Variants in CDHR3 observed in about 807,000 individuals in gnomAD.
CDHR3 encodes cadherin-related family member 3.
In CDHR3, 79 loss-of-function variants were observed where a neutral mutation model predicts 86.6. The ratio of observed to expected loss-of-function variants is 0.91; its 90% CI spans 0.76 to 1.10. CDHR3 has a LOEUF of 1.10. Among genes scored for constraint, CDHR3 ranks in the 50% least tolerant of loss-of-function variants. The pLI is 0.00. For missense variants in CDHR3, 1,081 were observed against 1,077.6 expected (o/e 1.00, Z -0.04); for synonymous variants, 421 against 402.4 (o/e 1.05, Z -0.55).
At chr7:105,996,732 G>A (rs1033383057) in intron 6 of CDHR3, among the ~76,000 whole-genome samples, 2 of 152,072 alleles carry the variant, frequency 1.3e-5, no homozygotes, top group Non-Finnish European at 2.9e-5. Flanking sequence ...ACTCCCTAAC[G>A]CCCGCTCCTA....
chr7:106,028,423 C>T (rs181980993), intron 16 of CDHR3, 128 bp from the exon 17 acceptor site: 15 of 1,023,124 alleles, frequency 1.5e-5, no homozygotes, highest in Middle Eastern at 2.0e-4. Context: ...ATAGACAGAA[C>T]AATTCTTTGC....
chr7:106,024,688 A>G lies in CDHR3; in HGVS notation c.2258+126A>G, dbSNP rs1442538161. On this transcript the variant is annotated intron_variant, in intron 15 of 18. Transcript: ENST00000317716. Reference sequence around the variant, plus strand: ...AAGGCAGGTTGCCTGGAGTGAAGGCAGGAAAAGGAGATACGGGGGAAGGAA... The same window carrying G: ...AAGGCAGGTTGCCTGGAGTGAAGGCGGGAAAAGGAGATACGGGGGAAGGAA... The G allele has an allele frequency of 5.3e-6, 5 of 946,730 alleles. No homozygotes were observed. In the African/African-American group the frequency reaches 8.3e-5, roughly 16 times the overall value. 58.6% of individuals were successfully genotyped at this position (946,730 alleles called of 1,614,324 possible).
intron 1 of CDHR3, among the ~76,000 whole-genome samples, chr7:105,971,965 C>G (rs1274565294): frequency 1.3e-5 from 2 of 152,212 alleles, no homozygotes; most frequent in Admixed American, 6.5e-5. Context: ...GACTGAATAA[C>G]TATGATGCAT....
chr7:106,009,089 A>G (rs982850025), intron 8 of CDHR3, among the ~76,000 whole-genome samples: 7 of 152,202 alleles, frequency 4.6e-5, no homozygotes, highest in Admixed American at 1.3e-4. Context: ...AGAGTCCTGC[A>G]CTTGATAATC....
intron 15 of CDHR3, 54 bp downstream of exon 15, chr7:106,024,616 C>T (rs1453031953): frequency 6.4e-7 from 1 of 1,550,984 alleles, no homozygotes; most frequent in Admixed American, 1.8e-5. Flanking sequence ...GACACTGTTT[C>T]TGGTGACATC....
intron 10 of CDHR3, among the ~76,000 whole-genome samples, chr7:106,015,675 A>G (rs1445567478): frequency 6.6e-6 from 1 of 152,054 alleles, no homozygotes; most frequent in African/African-American, 2.4e-5. Context: ...GTCTAATTCT[A>G]TCCTTATAAG....
intron 13 of CDHR3, among the ~76,000 whole-genome samples, chr7:106,020,777 T>G (rs989386350): frequency 6.6e-6 from 1 of 152,138 alleles, no homozygotes; most frequent in South Asian, 2.1e-4. Flanking sequence ...CATGCCTCAT[T>G]GCACCCAGCT....
chr7:105,997,921 T>G (rs1409290306), intron 6 of CDHR3, among the ~76,000 whole-genome samples: 1 of 151,806 alleles, frequency 6.6e-6, no homozygotes, highest in Non-Finnish European at 1.5e-5. Context: ...CCCAAGCAGA[T>G]AGCATGATCT....
At chr7:105,975,351 C>A (rs541281688) in intron 2 of CDHR3, among the ~76,000 whole-genome samples, 1 of 152,296 alleles carries the variant, frequency 6.6e-6, no homozygotes, top group Admixed American at 6.5e-5. Flanking sequence ...CCTACAGTAT[C>A]TAAATTCTTT....
At chr7:105,975,225 C>T (rs1828622521) in intron 2 of CDHR3, among the ~76,000 whole-genome samples, 179 bp downstream of exon 2, 1 of 152,162 alleles carries the variant, frequency 6.6e-6, no homozygotes. Context: ...GCTCGTGTAG[C>T]CTTTGGACCT....
chr7:105,964,590 AGG>A, intron 1 of CDHR3, among the ~76,000 whole-genome samples: 1 of 151,992 alleles, frequency 6.6e-6, no homozygotes, highest in Admixed American at 6.5e-5. Context: ...TATGTTAAGG[AGG>A]TGGCTTTTAT....
At chr7:105,987,143 G>T (rs1830640514) in intron 4 of CDHR3, among the ~76,000 whole-genome samples, 1 of 152,128 alleles carries the variant, frequency 6.6e-6, no homozygotes, top group Non-Finnish European at 1.5e-5. Context: ...CCCTTTCAGA[G>T]GAAGGAAAGC....
Position 106,028,654 on chromosome 7 carries a change from G to A in CDHR3, c.2304+72G>A, listed in dbSNP as rs968135757. Reference sequence around the variant, plus strand: ...GGGGCTCCCGTCTCCCCCGAAGGCAGGCCTGCCACAGCCTTGTGGGCATGT... The same window carrying A: ...GGGGCTCCCGTCTCCCCCGAAGGCAAGCCTGCCACAGCCTTGTGGGCATGT... On this transcript the variant is annotated intron_variant, in intron 17 of 18. Transcript: ENST00000317716. 6.5e-6 allele frequency: 10 copies of A among 1,543,244 alleles called. No individual in the cohort carries two copies. The African/African-American group carries it at 9.5e-5, about 15-fold the overall frequency.
intron 12 of CDHR3, among the ~76,000 whole-genome samples, chr7:106,019,685 A>C (rs1157725801): frequency 6.6e-6 from 1 of 152,202 alleles, no homozygotes; most frequent in Non-Finnish European, 1.5e-5. Context: ...TGCTTATGGC[A>C]GGTTAGCTCT....
intron 1 of CDHR3, among the ~76,000 whole-genome samples, chr7:105,965,921 A>G (rs1423986886): frequency 6.6e-6 from 1 of 152,072 alleles, no homozygotes; most frequent in Admixed American, 6.5e-5. Context: ...ACATTTACTG[A>G]TACACCCCAA....
intron 4 of CDHR3, 99 bp downstream of exon 4, chr7:105,984,388 C>A: frequency 1.3e-6 from 1 of 762,328 alleles, no homozygotes; most frequent in Non-Finnish European, 2.1e-6. Context: ...TGGGCAGTGG[C>A]AGTCAGGGGA....
At chr7:106,014,625 C>T (rs1369110207) in intron 9 of CDHR3, among the ~76,000 whole-genome samples, 1 of 152,088 alleles carries the variant, frequency 6.6e-6, no homozygotes, top group Admixed American at 6.5e-5. Context: ...AAGGGGACCC[C>T]TATCTCTAAA....
intron 13 of CDHR3, among the ~76,000 whole-genome samples, chr7:106,021,038 G>A (rs1031184576): frequency 5.3e-5 from 8 of 152,132 alleles, no homozygotes; most frequent in Non-Finnish European, 1.0e-4. Flanking sequence ...GCTGGTAGTG[G>A]GGGCAGGGAA....
chr7:106,012,258 G>A (rs987588433), intron 8 of CDHR3, among the ~76,000 whole-genome samples: 3 of 152,160 alleles, frequency 2.0e-5, no homozygotes, highest in Non-Finnish European at 4.4e-5. Context: ...AATGATGTGT[G>A]CTAGGAATTA....
Sources: allele counts gnomAD v4.1 joint callset (sites outside exome capture counted in the v4.1 genomes callset), GRCh38; gene constraint gnomAD v4.1.1; transcripts MANE v1.5; gene names NCBI Gene and HGNC (gene_info 2026-07-23, HGNC 2026-07-21).